The following GPC6 variants were observed in gnomAD, a reference collection of about 807,000 sequenced individuals.
The protein encoded by GPC6 is glypican-6.
A neutral mutation model predicts 55.2 loss-of-function variants in GPC6; 14 were observed. The observed-to-expected ratio is 0.25, with a 90% confidence interval of 0.17 to 0.40. The LOEUF (loss-of-function observed/expected upper bound fraction) is 0.40, where lower values mean the gene tolerates loss of function less well. GPC6 is among the 10% of genes least tolerant of loss of function. The pLI is 1.00. For synonymous variants in GPC6, 278 were observed against 259.6 expected, an observed-to-expected ratio of 1.07 and a Z score of -0.68; for missense variants, 641 against 708.5, an observed-to-expected ratio of 0.90 and a Z score of 1.08.
intron 3 of GPC6, among the ~76,000 whole-genome samples, chr13:93,836,541 G>A (rs549083698): frequency 1.1e-4 from 17 of 152,098 alleles, no homozygotes; most frequent in Non-Finnish European, 2.4e-4. Flanking sequence ...ATTCATTTCT[G>A]TAACTGATAA....
rs145600440 is a variant in GPC6, at chr13:93,912,065, G to C, written c.711+81520G>C. 6.7e-3 allele frequency among the ~76,000 whole-genome samples: 1,021 copies of C among 152,200 alleles called. 8 individuals carry two copies. Among genetic ancestry groups the C allele is most frequent in the Middle Eastern group, 0.02 (6 of 294 alleles). ...CTAAGCATGAGAGCTTTATCCTGTA[G>C]TGCAGAGACAGCCCGTGAATGATTT... On this transcript the variant is annotated intron_variant, in intron 3 of 8. Coordinates refer to ENST00000377047, the MANE Select transcript of GPC6 (RefSeq NM_005708.5).
intron 4 of GPC6, among the ~76,000 whole-genome samples, chr13:94,108,893 A>G (rs1297639550): frequency 6.6e-6 from 1 of 151,910 alleles, no homozygotes; most frequent in Non-Finnish European, 1.5e-5. Context: ...AAAGATTCAT[A>G]TTTTTCTATT....
intron 2 of GPC6, among the ~76,000 whole-genome samples, chr13:93,771,668 C>T (rs932878023): frequency 6.6e-6 from 1 of 151,342 alleles, no homozygotes; most frequent in Non-Finnish European, 1.5e-5. Context: ...CACATGTATA[C>T]ATATGTAACT....
At chr13:94,197,374 T>C (rs1309319216) in intron 4 of GPC6, among the ~76,000 whole-genome samples, 4 of 152,208 alleles carry the variant, frequency 2.6e-5, no homozygotes, top group African/African-American at 9.6e-5. Flanking sequence ...AGGGCTGCTA[T>C]AACAAAATAC....
intron 1 of GPC6, among the ~76,000 whole-genome samples, chr13:93,282,199 T>C (rs1468849806): frequency 6.6e-6 from 1 of 152,202 alleles, no homozygotes; most frequent in Non-Finnish European, 1.5e-5. Flanking sequence ...TTGTTTTTCA[T>C]AGGACAATCA....
At chr13:93,576,412 TG>T (rs1391995175) in intron 2 of GPC6, among the ~76,000 whole-genome samples, 18 of 152,142 alleles carry the variant, frequency 1.2e-4, no homozygotes, top group African/African-American at 4.3e-4. Context: ...TCACAGAATT[TG>T]GAGGAATAGC....
rs569038435 is a variant in GPC6 at position 94,395,948 on chromosome 13, G to C, written c.1290-2518G>C. Among the ~76,000 whole-genome samples the C allele has an allele frequency of 4.6e-5, 7 of 152,322 alleles. No individual in the cohort carries two copies. The South Asian group carries it at 1.4e-3, about 32-fold the overall frequency. On this transcript the variant is annotated intron_variant, in intron 7 of 8. Transcript: ENST00000377047. ...TCCCTTGCCCACCAGCTTCCAGTTG[G>C]ATCAGCCAATGGGAGGCAGCAGCTG...
At chr13:94,028,933 C>T (rs952301973) in intron 4 of GPC6, among the ~76,000 whole-genome samples, 1 of 152,168 alleles carries the variant, frequency 6.6e-6, no homozygotes, top group Non-Finnish European at 1.5e-5. Context: ...GTCAAATAGC[C>T]TTCAAATAAA....
intron 4 of GPC6, among the ~76,000 whole-genome samples, chr13:94,221,197 A>G (rs1242508313): frequency 2.0e-5 from 3 of 152,130 alleles, no homozygotes; most frequent in Non-Finnish European, 4.4e-5. Flanking sequence ...ATCCATAAAC[A>G]GCTAAATGAC....
intron 2 of GPC6, among the ~76,000 whole-genome samples, chr13:93,624,623 A>G (rs1374252208): frequency 6.6e-6 from 1 of 152,266 alleles, no homozygotes; most frequent in East Asian, 1.9e-4. Context: ...GGAGAAAACC[A>G]CATGGGTAAA....
intron 3 of GPC6, among the ~76,000 whole-genome samples, chr13:94,007,015 A>G (rs1057105738): frequency 2.0e-5 from 3 of 152,212 alleles, no homozygotes; most frequent in African/African-American, 2.4e-5. Flanking sequence ...CTCCTTAGTC[A>G]CTATGCTGTT....
At chr13:93,425,867 A>G (rs1877106658) in intron 1 of GPC6, among the ~76,000 whole-genome samples, 2 of 152,180 alleles carry the variant, frequency 1.3e-5, no homozygotes, top group Non-Finnish European at 1.5e-5. Flanking sequence ...GGCTGCAGCC[A>G]CAATACCCTC....
At chr13:94,046,513 G>A (rs1883737766) in intron 4 of GPC6, among the ~76,000 whole-genome samples, 1 of 152,042 alleles carries the variant, frequency 6.6e-6, no homozygotes, top group South Asian at 2.1e-4. Context: ...ACAGAGCCGG[G>A]AAAATCTAGT....
chr13:93,312,305 C>A (rs1302141543), intron 1 of GPC6, among the ~76,000 whole-genome samples: 1 of 152,136 alleles, frequency 6.6e-6, no homozygotes, highest in Non-Finnish European at 1.5e-5. Context: ...ACAGGGTACA[C>A]TTATGTCCTG....
rs367582619 is a variant in GPC6 at position 94,272,594 on chromosome 13, A to G, written c.878-13755A>G. Among the ~76,000 whole-genome samples the G allele has an allele frequency of 3.0e-3, 437 of 147,540 alleles. 3 individuals are homozygous for G. The highest frequency in any genetic ancestry group is 0.01 in the African/African-American group (419 of 40,108). On this transcript the variant is annotated intron_variant, in intron 4 of 8. Transcript: ENST00000377047. ...TGCCATTCTCTTGCCTCAGCCTCCC[A>G]AGTAGCTGGGACCACAGGCGCCCGC...
chr13:94,050,884 G>A (rs888847530), intron 4 of GPC6, among the ~76,000 whole-genome samples: 7 of 152,080 alleles, frequency 4.6e-5, no homozygotes, highest in Non-Finnish European at 2.9e-5. Flanking sequence ...TTTGCAACTA[G>A]CACCATAAAT....
At chr13:93,557,714 C>A (rs184025968) in intron 2 of GPC6, among the ~76,000 whole-genome samples, 13 of 152,298 alleles carry the variant, frequency 8.5e-5, no homozygotes, top group African/African-American at 3.1e-4. Flanking sequence ...GTTAGTTCCA[C>A]GACTTAGCTT....
chr13:94,017,723 G>A (rs1017234021), intron 3 of GPC6, among the ~76,000 whole-genome samples: 2 of 152,030 alleles, frequency 1.3e-5, no homozygotes, highest in African/African-American at 4.8e-5. Context: ...CTGTCACCCA[G>A]GCTGGAGTGC....
chr13:94,088,067 G>C (rs1885351101), intron 4 of GPC6, among the ~76,000 whole-genome samples: 1 of 152,130 alleles, frequency 6.6e-6, no homozygotes, highest in South Asian at 2.1e-4. Flanking sequence ...AAGTTCCTCT[G>C]TGAGTTCTTT....
Sources: gnomAD v4.1 joint callset for allele counts (sites outside exome capture counted in the v4.1 genomes callset) on GRCh38, gnomAD v4.1.1 for gene constraint, MANE v1.5 for transcripts, NCBI Gene and HGNC (gene_info 2026-07-23, HGNC 2026-07-21) for gene names.